ABCB11: variants seen among roughly 807,000 people sequenced by gnomAD.
ABCB11 encodes bile salt export pump.
A neutral mutation model predicts 148.0 loss-of-function variants in ABCB11; 95 were observed. That is an observed-to-expected ratio of 0.64 (90% CI 0.54 to 0.76). ABCB11 has a LOEUF of 0.76. Ranked by LOEUF, ABCB11 falls within the 30% of genes least tolerant of loss-of-function variation. ABCB11 has a pLI of 0.00. For missense variants in ABCB11, 1,523 were observed against 1,617.8 expected (o/e 0.94, Z 1.01); for synonymous variants, 591 against 555.4 (o/e 1.06, Z -0.90).
downstream of ABCB11, among the ~76,000 whole-genome samples, chr2:168,919,632 A>T (rs955212638): frequency 1.1e-4 from 17 of 151,952 alleles, no homozygotes; most frequent in South Asian, 6.2e-4. Context: ...TTATTTTTTA[A>T]AAAAAAAGCC....
intron 14 of ABCB11, 96 bp from the exon 15 acceptor site, chr2:168,970,311 C>A: frequency 1.9e-6 from 3 of 1,546,692 alleles, no homozygotes; most frequent in Non-Finnish European, 2.6e-6. Context: ...GTTTTCTTCT[C>A]AAGCACGAAT....
At position 168,996,184 on chromosome 2, in the gene ABCB11, T is replaced by G. The variant is rs147638900; in HGVS notation, c.477+451A>C. On this transcript the variant is annotated intron_variant, in intron 6 of 27. Transcript: ENST00000650372. ...AGTACCTCCAAGCCCTTCCAACACT[T>G]AAATCTAAAATATGCTCTAGATTCA... is the stretch of plus-strand genomic sequence containing the variant. Among the ~76,000 whole-genome samples the G allele has an allele frequency of 2.3e-3, 343 of 152,112 alleles. 3 individuals carry two copies. Among genetic ancestry groups the G allele is most frequent in the African/African-American group, 7.8e-3 (323 of 41,524 alleles).
intron 3 of ABCB11, among the ~76,000 whole-genome samples, chr2:169,015,856 C>A (rs1296846153): frequency 6.6e-6 from 1 of 152,160 alleles, no homozygotes; most frequent in Non-Finnish European, 1.5e-5. Flanking sequence ...CTTTTCTATA[C>A]CCGCAGCACC....
chr2:168,924,923 T>A, intron 26 of ABCB11, 120 bp from the exon 27 acceptor site: 1 of 733,908 alleles, frequency 1.4e-6, no homozygotes, highest in Non-Finnish European at 2.1e-6. Context: ...TAGGGAACAG[T>A]GAGTGAGTCC....
chr2:169,013,475 C>G lies in ABCB11; in HGVS notation c.186G>C (p.Met62Ile). ...RFSSSTDIWL[M>I]FVGSLCAFLH... ...GAAATGCACACAAACTTCCCACAAA[C>G]ATCAGCCAAATGTCAGTTGATGAAG... The change falls in exon 5 of 28, where the codon ATG becomes ATC. Residue 62 changes from methionine to isoleucine, a missense_variant. Met to Ile is a conservative substitution (Grantham distance 10). Coordinates refer to ENST00000650372, the MANE Select transcript of ABCB11 (RefSeq NM_003742.4). The G allele has an allele frequency of 6.2e-7, 1 of 1,613,606 alleles. No individual in the cohort carries two copies. The highest frequency in any genetic ancestry group is 8.5e-7 in the Non-Finnish European group (1 of 1,179,686).
chr2:169,013,219 A>G (rs369284772), intron 5 of ABCB11, 53 bp downstream of exon 5: 3 of 1,380,262 alleles, frequency 2.2e-6, no homozygotes, highest in Non-Finnish European at 3.0e-6. Flanking sequence ...ATTTTGAATT[A>G]CAATTTAAGA....
rs115416881 is a variant in ABCB11, at chr2:168,982,045, T to G, written c.1084-2066A>C. ...CACATTCCCAAATCATCACAGTAGC[T>G]AGCAACATCCCAATAAGCCATCATT... On this transcript the variant is annotated intron_variant, in intron 10 of 27. Coordinates refer to ENST00000650372, the MANE Select transcript of ABCB11 (RefSeq NM_003742.4). Among the ~76,000 whole-genome samples, 644 of 152,232 alleles carry G rather than the reference T, an allele frequency of 4.2e-3. 1 individual carries two copies. The highest frequency in any genetic ancestry group is 7.5e-3 in the Non-Finnish European group (508 of 68,010).
chr2:168,973,300 GTA>G (rs3084001), intron 13 of ABCB11, among the ~76,000 whole-genome samples: 82,773 of 151,400 alleles, frequency 0.55, 22,992 homozygotes, highest in East Asian at 0.75. Flanking sequence ...AATTTAGATG[GTA>G]TATATATATT....
chr2:168,930,968 C>T, intron 24 of ABCB11, 106 bp from the exon 25 acceptor site: 3 of 1,003,298 alleles, frequency 3.0e-6, no homozygotes, highest in South Asian at 3.3e-5. Flanking sequence ...TACCTTCAAA[C>T]CATGCTGCCA....
intron 1 of ABCB11, among the ~76,000 whole-genome samples, chr2:169,022,246 A>G (rs1442746124): frequency 6.6e-6 from 1 of 151,998 alleles, no homozygotes; most frequent in African/African-American, 2.4e-5. Flanking sequence ...TATAAGATAG[A>G]AAACAAAATA....
chr2:168,968,130 A>ATT (rs4000815), intron 17 of ABCB11, among the ~76,000 whole-genome samples: 3,341 of 101,442 alleles, frequency 0.033, 112 homozygotes, highest in African/African-American at 0.095. Flanking sequence ...CTAAACACAG[A>ATT]TTTTTTTTAA....
rs1462645955 is a variant in ABCB11, at chr2:168,971,855, G to T, written c.1630C>A (p.Leu544Met). 6.2e-7 allele frequency: 1 copy of T among 1,612,476 alleles called. No individual in the cohort carries two copies. The highest frequency in any genetic ancestry group is 1.1e-5 in the South Asian group (1 of 91,026). ...TGTATGGCTAGGGGTACCTGTGGCAGGTCCATGATGAAGTTGTAGGCATTG... is the reference window on the plus strand; with the variant it reads ...TGTATGGCTAGGGGTACCTGTGGCATGTCCATGATGAAGTTGTAGGCATTG... ...EANAYNFIMD[L>M]PQQFDTLVGE... Residue 544 changes from leucine to methionine, a missense_variant, in exon 14 of 28, where the codon CTG becomes ATG. Transcript: ENST00000650372.
chr2:169,017,132 T>TTCTAAATTAGCTGAAGAAGATCTGACTC (rs1695386917), intron 2 of ABCB11, among the ~76,000 whole-genome samples: 1 of 152,176 alleles, frequency 6.6e-6, no homozygotes, highest in African/African-American at 2.4e-5. Flanking sequence ...GACAGCAACT[T>TTCTAAATTAGCTGAAGAAGATCTGACTC]TTTGAACTAC....
intron 23 of ABCB11, among the ~76,000 whole-genome samples, chr2:168,934,744 T>C (rs1046559342): frequency 6.6e-6 from 1 of 152,232 alleles, no homozygotes; most frequent in Non-Finnish European, 1.5e-5. Flanking sequence ...CTTTGCAACA[T>C]GGCTTTTTTA....
At chr2:168,981,742 G>A in intron 10 of ABCB11, among the ~76,000 whole-genome samples, 1 of 152,100 alleles carries the variant, frequency 6.6e-6, no homozygotes, top group East Asian at 1.9e-4. Flanking sequence ...TCTGAAAAAG[G>A]GCCAAATAAA....
chr2:168,987,819 A>C (rs1436372386), intron 9 of ABCB11, among the ~76,000 whole-genome samples: 1 of 152,214 alleles, frequency 6.6e-6, no homozygotes, highest in Non-Finnish European at 1.5e-5. Context: ...AAAGGTGTTC[A>C]ATAAAAATGT....
chr2:168,969,857 A>G (rs1435341036), intron 15 of ABCB11, among the ~76,000 whole-genome samples, 188 bp downstream of exon 15: 1 of 152,044 alleles, frequency 6.6e-6, no homozygotes, highest in African/African-American at 2.4e-5. Context: ...AACAAATTAC[A>G]ACTTTCTTCT....
intron 19 of ABCB11, among the ~76,000 whole-genome samples, chr2:168,954,809 A>G (rs1486294487): frequency 6.6e-6 from 1 of 151,670 alleles, no homozygotes; most frequent in African/African-American, 2.4e-5. Context: ...ATTTTTTAAA[A>G]TATGTTTTCT....
At chr2:168,935,595 C>T (rs1282093480) in intron 22 of ABCB11, among the ~76,000 whole-genome samples, 170 bp from the exon 23 acceptor site, 5 of 152,114 alleles carry the variant, frequency 3.3e-5, no homozygotes, top group Admixed American at 6.5e-5. Flanking sequence ...AACTGGACCA[C>T]GAGACAATTT....
Sources: gnomAD v4.1 joint callset for allele counts (sites outside exome capture counted in the v4.1 genomes callset) on GRCh38, gnomAD v4.1.1 for gene constraint, MANE v1.5 for transcripts, NCBI Gene and HGNC (gene_info 2026-07-23, HGNC 2026-07-21) for gene names.